Variants in CFAP69 observed in about 807,000 individuals in gnomAD.
The protein encoded by CFAP69 is cilia- and flagella-associated protein 69.
Under a neutral mutation model 123.0 loss-of-function variants are expected in CFAP69, and 92 were observed. The ratio of observed to expected loss-of-function variants is 0.75; its 90% CI spans 0.63 to 0.89. CFAP69 has a LOEUF of 0.89. Among genes scored for constraint, CFAP69 ranks in the 40% least tolerant of loss-of-function variants. The pLI, the probability that CFAP69 is intolerant of heterozygous loss-of-function variation, is 0.00. For missense variants in CFAP69, 1,067 were observed against 1,096.9 expected, an observed-to-expected ratio of 0.97 and a Z score of 0.39; for synonymous variants, 380 against 364.3, an observed-to-expected ratio of 1.04 and a Z score of -0.49.
At chr7:90,268,197 A>G in intron 5 of CFAP69, 89 bp from the exon 6 acceptor site, 1 of 752,882 alleles carries the variant, frequency 1.3e-6, no homozygotes, top group Non-Finnish European at 2.1e-6. Flanking sequence ...ATTTTTAATA[A>G]TCATCATATT....
chr7:90,261,342 G>A (rs1442079084), intron 3 of CFAP69, among the ~76,000 whole-genome samples: 1 of 151,988 alleles, frequency 6.6e-6, no homozygotes, highest in Non-Finnish European at 1.5e-5. Context: ...CAAAGTGCTG[G>A]GATTACAGGC....
intron 19 of CFAP69, 85 bp from the exon 20 acceptor site, chr7:90,306,816 A>G (rs1179793667): frequency 1.9e-5 from 15 of 804,132 alleles, no homozygotes; most frequent in Admixed American, 1.3e-4. Context: ...AACAGGAGTG[A>G]CTAACCATAT....
At position 90,277,336 on chromosome 7, in the gene CFAP69, TA is replaced by T. The variant is rs751873389; in HGVS notation, c.1155+5del. 6.6e-7 allele frequency: 1 copy of T among 1,509,128 alleles called. No individual in the cohort carries two copies. Among genetic ancestry groups the T allele is most frequent in the South Asian group, 1.4e-5 (1 of 72,880 alleles). The allele number at this position is 1,509,128 out of a possible 1,614,324, so 93.5% of individuals were successfully genotyped here. ...TGTAAAGATTTACCTACTGTACAGG[TA>T]AAGAGTAATCAAGGCAGGAAAATCA... On this transcript the variant is annotated splice_donor_region_variant and intron_variant, in intron 11 of 22. Coordinates refer to ENST00000389297, the MANE Select transcript of CFAP69 (RefSeq NM_001039706.3).
At chr7:90,272,678 G>C (rs1000220488) in intron 8 of CFAP69, among the ~76,000 whole-genome samples, 1 of 152,116 alleles carries the variant, frequency 6.6e-6, no homozygotes, top group Non-Finnish European at 1.5e-5. Context: ...GGGATCAGCA[G>C]ATACTAGGAC....
intron 13 of CFAP69, among the ~76,000 whole-genome samples, chr7:90,285,424 T>C (rs1036740628): frequency 6.6e-6 from 1 of 152,192 alleles, no homozygotes; most frequent in Non-Finnish European, 1.5e-5. Flanking sequence ...TTTTTTTCTT[T>C]ATTTAAAGCT....
At chr7:90,297,285 G>A (rs1235146420) in intron 15 of CFAP69, among the ~76,000 whole-genome samples, 1 of 152,176 alleles carries the variant, frequency 6.6e-6, no homozygotes, top group Non-Finnish European at 1.5e-5. Flanking sequence ...AATGAGGCAT[G>A]TCCAACCCCT....
chr7:90,306,500 C>G (rs1424180840), intron 19 of CFAP69, among the ~76,000 whole-genome samples: 1 of 152,294 alleles, frequency 6.6e-6, no homozygotes, highest in South Asian at 2.1e-4. Flanking sequence ...CATGTTCATT[C>G]TCCTAAAAGT....
chr7:90,295,423 C>T (rs996840628), intron 15 of CFAP69, among the ~76,000 whole-genome samples: 6 of 152,200 alleles, frequency 3.9e-5, no homozygotes, highest in African/African-American at 9.6e-5. Context: ...TACCCAACCA[C>T]TCACCCAAGG....
intron 5 of CFAP69, 64 bp downstream of exon 5, chr7:90,265,441 T>A: frequency 1.8e-6 from 2 of 1,102,256 alleles, no homozygotes; most frequent in Non-Finnish European, 2.7e-6. Context: ...GACAAGGGAA[T>A]ATCTATTTTC....
the CFAP69 span, chr7:90,319,347 A>G: frequency 2.5e-6 from 1 of 398,584 alleles, no homozygotes; most frequent in Non-Finnish European, 4.4e-6. Flanking sequence ...TTAAATACAC[A>G]TTTAAATTAC....
At chr7:90,319,617 A>T in the CFAP69 span, 2 of 398,622 alleles carry the variant, frequency 5.0e-6, no homozygotes, top group South Asian at 1.3e-4. Context: ...ACTGGAGATC[A>T]ATGTCTTTGG....
chr7:90,305,384 C>T (rs377405733), intron 19 of CFAP69, among the ~76,000 whole-genome samples: 1 of 135,014 alleles, frequency 7.4e-6, no homozygotes, highest in Admixed American at 7.4e-5. Context: ...AGAAGCCTAG[C>T]AAAAAAAAAA....
rs750031396 is a variant in CFAP69 at position 90,286,368 on chromosome 7, C to A, written c.1625C>A (p.Ser542Tyr). 3.1e-6 allele frequency: 5 copies of A among 1,612,106 alleles called. No homozygotes were observed. The highest frequency in any genetic ancestry group is 4.2e-6 in the Non-Finnish European group (5 of 1,179,314). ...EIQSDILLIL[S>Y]GLCENHIQRK... ...CAGTCTGATATATTACTTATCCTAT[C>A]TGGCCTTTGTGAGAATCACATTCAA... Residue 542 changes from serine to tyrosine, a missense_variant, in exon 14 of 23, where the codon TCT becomes TAT. Physicochemically the swap from Ser to Tyr is moderately radical, Grantham distance 144 (BLOSUM62 -2). Transcript: ENST00000389297.
At chr7:90,285,937 C>T (rs2117126391) in intron 13 of CFAP69, among the ~76,000 whole-genome samples, 1 of 152,212 alleles carries the variant, frequency 6.6e-6, no homozygotes, top group African/African-American at 2.4e-5. Context: ...ATTGAAAGCT[C>T]CAGGAATTCA....
intron 15 of CFAP69, among the ~76,000 whole-genome samples, chr7:90,291,119 G>T (rs1241414118): frequency 6.6e-6 from 1 of 152,132 alleles, no homozygotes; most frequent in Non-Finnish European, 1.5e-5. Flanking sequence ...TTCAGGATGA[G>T]TCCAAAGGAT....
In CFAP69 at chr7:90,309,266, G is replaced by C; in HGVS notation, c.2554G>C (p.Ala852Pro). The change falls in exon 22 of 23, where the codon GCA becomes CCA. Residue 852 changes from alanine (A) to proline (P), a missense_variant. Coordinates refer to ENST00000389297, the MANE Select transcript of CFAP69 (RefSeq NM_001039706.3). ...TTTCTAATTTAAAAATCCTCAGAAA[G>C]CAAAAAGCCTTCAAGAAAAAGCTAT... ...RTSNAKTLKK[A>P]KSLQEKAIEA... 1 of 1,476,138 alleles carries C rather than the reference G, an allele frequency of 6.8e-7. No homozygotes were observed. The allele number at this position is 1,476,138 out of a possible 1,614,324, so 91.4% of individuals were successfully genotyped here.
Position 90,265,388 on chromosome 7 carries a change from AT to A in CFAP69, c.433+14del, listed in dbSNP as rs1261183921. ...CAATTGCACTTCTGGGTAAGTTAAG[AT>A]TTCCTTAAGGTATAGGGATGTAACA... On this transcript the variant is annotated intron_variant, in intron 5 of 22. Transcript: ENST00000389297. 6.3e-7 allele frequency: 1 copy of A among 1,585,126 alleles called. No homozygotes were observed. The highest frequency in any genetic ancestry group is 8.7e-7 in the Non-Finnish European group (1 of 1,154,952).
intron 19 of CFAP69, among the ~76,000 whole-genome samples, chr7:90,306,524 G>T (rs1280382722): frequency 2.6e-5 from 4 of 152,054 alleles, no homozygotes; most frequent in African/African-American, 9.7e-5. Context: ...TCTTGACCTA[G>T]CCTTCAATAT....
rs559076800 is a variant in CFAP69 at position 90,301,294 on chromosome 7, A to G, written c.2050+1235A>G. ...GCCTACATATTCTAAGCCTTTTAAG[A>G]TTCTTATGGTTTCATCTAAACGGTT... On this transcript the variant is annotated intron_variant, in intron 17 of 22. Transcript: ENST00000389297. The G allele has an allele frequency of 2.6e-5, 4 of 151,734 alleles. No homozygotes were observed. In the East Asian group the frequency reaches 7.8e-4, roughly 29 times the overall value. 9.4% of individuals were successfully genotyped at this position (151,734 alleles called of 1,614,324 possible).
Sources: gnomAD v4.1 joint callset for allele counts (sites outside exome capture counted in the v4.1 genomes callset) on GRCh38, gnomAD v4.1.1 for gene constraint, MANE v1.5 for transcripts, NCBI Gene and HGNC (gene_info 2026-07-23, HGNC 2026-07-21) for gene names.